Variants in ARMC9 observed in about 807,000 individuals in gnomAD.
The protein encoded by ARMC9 is armadillo repeat containing 9.
A neutral mutation model predicts 107.0 loss-of-function variants in ARMC9; 94 were observed. That is an observed-to-expected ratio of 0.88 (90% CI 0.74 to 1.04). The LOEUF is 1.04. Among genes scored for constraint, ARMC9 ranks in the 50% least tolerant of loss-of-function variants. ARMC9 has a pLI of 0.00. For synonymous variants in ARMC9, 380 were observed against 396.9 expected (o/e 0.96, Z 0.51); for missense variants, 942 against 1,030.1 (o/e 0.91, Z 1.17).
Position 231,360,262 on chromosome 2 carries a change from G to C in ARMC9, c.2132-492G>C, listed in dbSNP as rs1475351979. On this transcript the variant is annotated intron_variant, in intron 22 of 24. Coordinates refer to ENST00000611582, the MANE Select transcript of ARMC9 (RefSeq NM_001352754.2). This position sits in a 1 kb window ranked among gnomAD's most constrained non-coding sequence, Gnocchi z 4.7. ...GTCACTGGGAGTTAGGGCACTTCCT[G>C]GCCACCCTGGGTGTACCGAGTGGTT... Among the ~76,000 whole-genome samples the C allele has an allele frequency of 6.6e-6, 1 of 152,150 alleles. No homozygotes were observed. The highest frequency in any genetic ancestry group is 1.5e-5 in the Non-Finnish European group (1 of 68,012).
chr2:231,327,006 C>T (rs949882379), intron 19 of ARMC9, among the ~76,000 whole-genome samples: 1 of 152,180 alleles, frequency 6.6e-6, no homozygotes, highest in Non-Finnish European at 1.5e-5. Context: ...CACTCCAGCA[C>T]TTGGCTGCCA....
rs754385274 is a variant in ARMC9 at position 231,256,601 on chromosome 2, C to G, written c.895C>G (p.Arg299Gly). 5.0e-6 allele frequency: 8 copies of G among 1,613,916 alleles called. No individual in the cohort carries two copies. Among genetic ancestry groups the G allele is most frequent in the Middle Eastern group, 1.6e-4 (1 of 6,084 alleles). Residue 299 changes from arginine (R) to glycine (G), a missense_variant, in exon 10 of 25, where the codon CGA becomes GGA. Arg to Gly is a moderately radical substitution (Grantham distance 125). Coordinates refer to ENST00000611582, the MANE Select transcript of ARMC9 (RefSeq NM_001352754.2). ...TTCCCCCCAGGCATCCACCATGTTA[C>G]GAGCCTCCTTGGCACCCGTGTAAGT... ...TRPGTASTML[R>G]ASLAPVKLKD...
intron 4 of ARMC9, among the ~76,000 whole-genome samples, chr2:231,216,186 C>T (rs2033478593): frequency 6.6e-6 from 1 of 152,152 alleles, no homozygotes; most frequent in Non-Finnish European, 1.5e-5. Context: ...GTTTCCAACA[C>T]CATAAAGAAA....
chr2:231,311,508 G>A lies in ARMC9; in HGVS notation c.1773+15255G>A, dbSNP rs190536812. Among the ~76,000 whole-genome samples, 844 of 152,164 alleles carry A rather than the reference G, an allele frequency of 5.5e-3. 8 individuals carry two copies. Among genetic ancestry groups the A allele is most frequent in the African/African-American group, 0.019 (804 of 41,506 alleles). On this transcript the variant is annotated intron_variant, in intron 19 of 24. Transcript: ENST00000611582. ...GGTTCTGCTGGGCGCAGTTGCTCACGCCTATAATCCCAGCACTTTGGGAGG... is the reference window on the plus strand; with the variant it reads ...GGTTCTGCTGGGCGCAGTTGCTCACACCTATAATCCCAGCACTTTGGGAGG...
In ARMC9 at chr2:231,350,980, A is replaced by G. The variant is rs1468330847; in HGVS notation, c.1995-4818A>G. 5.0e-5 allele frequency among the ~76,000 whole-genome samples: 4 copies of G among 80,284 alleles called. No individual in the cohort carries two copies. In the Admixed American group the frequency reaches 5.6e-4, roughly 11 times the overall value. The allele number at this position is 80,284 out of a possible 152,430, so 52.7% of individuals were successfully genotyped here. On this transcript the variant is annotated intron_variant, in intron 21 of 24. Coordinates refer to ENST00000611582, the MANE Select transcript of ARMC9 (RefSeq NM_001352754.2). ...TTTTTTTTTTTTTTTTTTTTTTGAG[A>G]CAGAGTCTCGCTCTGTCAGCCAGGC...
chr2:231,345,147 A>C, intron 21 of ARMC9, 57 bp downstream of exon 21: 1 of 1,593,508 alleles, frequency 6.3e-7, no homozygotes, highest in Non-Finnish European at 8.5e-7. Context: ...TTTTGATTAC[A>C]GTGTAAGATG....
At chr2:231,327,758 G>C (rs771583729) in intron 19 of ARMC9, among the ~76,000 whole-genome samples, 2 of 152,086 alleles carry the variant, frequency 1.3e-5, no homozygotes, top group African/African-American at 2.4e-5. Context: ...CCGAAATGTA[G>C]TTGCATGTTT....
chr2:231,302,340 T>C (rs904877009), intron 19 of ARMC9, among the ~76,000 whole-genome samples: 2 of 150,276 alleles, frequency 1.3e-5, no homozygotes, highest in Non-Finnish European at 3.0e-5. Context: ...AAAATGGCAA[T>C]AGTAAATCCA....
intron 19 of ARMC9, among the ~76,000 whole-genome samples, chr2:231,305,831 A>G (rs769111722): frequency 4.0e-5 from 6 of 151,564 alleles, no homozygotes; most frequent in Non-Finnish European, 8.8e-5. Flanking sequence ...CTAGTTTGAA[A>G]AGTGATAAAA....
In ARMC9 at chr2:231,256,576, T is replaced by C. The variant is rs764248634; in HGVS notation, c.880-10T>C. The C allele has an allele frequency of 1.2e-6, 2 of 1,613,966 alleles. No homozygotes were observed. The highest frequency in any genetic ancestry group is 1.1e-5 in the South Asian group (1 of 91,070). On this transcript the variant is annotated splice_polypyrimidine_tract_variant and intron_variant, in intron 9 of 24. Transcript: ENST00000611582. ...ACACCATCTGTTTTCTTCTGTCCTC[T>C]TCCCCCCAGGCATCCACCATGTTAC...
At chr2:231,228,128 G>A (rs1027981724) in intron 7 of ARMC9, among the ~76,000 whole-genome samples, 1 of 152,240 alleles carries the variant, frequency 6.6e-6, no homozygotes. Flanking sequence ...TCCCGGGCCA[G>A]TTTGCTCACA....
chr2:231,319,918 C>T (rs1057398346), intron 19 of ARMC9, among the ~76,000 whole-genome samples: 54 of 152,204 alleles, frequency 3.5e-4, no homozygotes, highest in African/African-American at 1.3e-3. Flanking sequence ...CCCTCCCCTC[C>T]TTCTCTCCCC....
rs1023997302 is a variant in ARMC9 at position 231,290,615 on chromosome 2, G to C, written c.1627-738G>C. ...CAGGGAAGAGGAGGGAAAGGAATTA[G>C]ACAGTGTGCTTAAGTCAGTATATTA... is the stretch of plus-strand genomic sequence containing the variant. On this transcript the variant is annotated intron_variant, in intron 17 of 24. Coordinates refer to ENST00000611582, the MANE Select transcript of ARMC9 (RefSeq NM_001352754.2). Among the ~76,000 whole-genome samples, 11 of 152,232 alleles carry C rather than the reference G, an allele frequency of 7.2e-5. No homozygotes were observed. In the East Asian group the frequency reaches 2.1e-3, roughly 29 times the overall value.
At chr2:231,343,615 T>A (rs114535753) in intron 20 of ARMC9, among the ~76,000 whole-genome samples, 4,737 of 152,240 alleles carry the variant, frequency 0.031, 98 homozygotes, top group Non-Finnish European at 0.05. Context: ...TGACAGTGAT[T>A]TCCTTTTTAA....
At chr2:231,334,237 C>T (rs576616308) in intron 20 of ARMC9, among the ~76,000 whole-genome samples, 1 of 152,372 alleles carries the variant, frequency 6.6e-6, no homozygotes, top group South Asian at 2.1e-4. Context: ...GCACCACTAA[C>T]TGCAGACTTA....
chr2:231,244,564 C>G (rs992116558), intron 9 of ARMC9, among the ~76,000 whole-genome samples: 3 of 152,034 alleles, frequency 2.0e-5, no homozygotes, highest in African/African-American at 7.2e-5. Context: ...GAGATGAGGT[C>G]TCACTATGTT....
At chr2:231,230,058 C>T (rs1368447836) in intron 7 of ARMC9, among the ~76,000 whole-genome samples, 1 of 152,048 alleles carries the variant, frequency 6.6e-6, no homozygotes, top group Non-Finnish European at 1.5e-5. Flanking sequence ...TAAGACATCT[C>T]CATTAAAAGT....
intron 21 of ARMC9, among the ~76,000 whole-genome samples, chr2:231,347,444 T>G: frequency 6.6e-6 from 1 of 152,142 alleles, no homozygotes; most frequent in Admixed American, 6.5e-5. Context: ...GTGGGCACTC[T>G]CCCCAGCTAC....
chr2:231,302,450 T>TG (rs1245951811), intron 19 of ARMC9, among the ~76,000 whole-genome samples: 2 of 143,356 alleles, frequency 1.4e-5, no homozygotes, highest in African/African-American at 2.6e-5. Flanking sequence ...TTTTTTTTTT[T>TG]TTTTTTTTTT....
Sources: allele counts gnomAD v4.1 joint callset (sites outside exome capture counted in the v4.1 genomes callset), GRCh38; gene constraint gnomAD v4.1.1; non-coding constraint Gnocchi (gnomAD v3.1); transcripts MANE v1.5; gene names NCBI Gene and HGNC (gene_info 2026-07-23, HGNC 2026-07-21).